Variants in NRXN3 observed in about 807,000 individuals in gnomAD.
NRXN3 encodes the protein neurexin III.
Under a neutral mutation model 137.6 loss-of-function variants are expected in NRXN3, and 32 were observed. The ratio of observed to expected loss-of-function variants is 0.23; its 90% CI spans 0.18 to 0.31. NRXN3 has a LOEUF of 0.31. Ranked by LOEUF, NRXN3 falls within the 10% of genes least tolerant of loss-of-function variation. The pLI is 1.00. For missense variants in NRXN3, 1,574 were observed against 2,062.5 expected, an observed-to-expected ratio of 0.76 and a Z score of 4.59; for synonymous variants, 798 against 784.5, an observed-to-expected ratio of 1.02 and a Z score of -0.29.
chr14:79,262,619 G>A (rs956367367), intron 15 of NRXN3, among the ~76,000 whole-genome samples: 5 of 152,148 alleles, frequency 3.3e-5, no homozygotes, highest in African/African-American at 1.2e-4. Flanking sequence ...CCAAATATTT[G>A]TCAAAAGCAT....
chr14:79,863,947 TG>T lies in NRXN3; in HGVS notation c.*1984del, dbSNP rs1361820291. On this transcript the variant is annotated 3_prime_UTR_variant, in exon 21 of 21. Transcript: ENST00000335750. ...CAATCTAAATGGTAGCCTTTACTAATGTGTGTGGAAAGAGGTGTTCCTCATT... is the reference window on the plus strand; with the variant it reads ...CAATCTAAATGGTAGCCTTTACTAATTGTGTGGAAAGAGGTGTTCCTCATT... 1 of 152,548 alleles carries T rather than the reference TG, an allele frequency of 6.6e-6. No individual in the cohort carries two copies. The highest frequency in any genetic ancestry group is 2.4e-5 in the African/African-American group (1 of 41,460). 9.4% of individuals were successfully genotyped at this position (152,548 alleles called of 1,614,324 possible). A position where few individuals can be genotyped will look rare whatever the true frequency, so the allele number is the denominator to read the frequency against.
intron 15 of NRXN3, among the ~76,000 whole-genome samples, chr14:79,322,639 GAGTCTATCTTCTTACA>G (rs1156349447): frequency 6.6e-6 from 1 of 152,170 alleles, no homozygotes; most frequent in Non-Finnish European, 1.5e-5. Context: ...CCTGATCCTA[GAGTCTATCTTCTTACA>G]TTAAAATAAA....
intron 4 of NRXN3, among the ~76,000 whole-genome samples, chr14:78,632,964 A>G (rs370046957): frequency 2.0e-4 from 30 of 152,100 alleles, no homozygotes; most frequent in African/African-American, 7.0e-4. Flanking sequence ...GGCTGGGCGT[A>G]GTGGCTCACG....
chr14:78,539,187 T>G (rs2096564781), intron 4 of NRXN3, among the ~76,000 whole-genome samples: 1 of 152,220 alleles, frequency 6.6e-6, no homozygotes, highest in Non-Finnish European at 1.5e-5. Context: ...TTAGAAGGAA[T>G]GCTAGCAGCT....
intron 15 of NRXN3, among the ~76,000 whole-genome samples, chr14:79,112,018 T>C (rs1443745207): frequency 6.6e-6 from 1 of 152,220 alleles, no homozygotes; most frequent in African/African-American, 2.4e-5. Context: ...GAAGTTATAG[T>C]TTATTTTAAG....
intron 20 of NRXN3, chr14:79,853,861 A>G: frequency 1.0e-6 from 1 of 985,900 alleles, no homozygotes; most frequent in Non-Finnish European, 1.2e-6. Flanking sequence ...GCAAATTATA[A>G]AAGTAAACAG....
intron 17 of NRXN3, among the ~76,000 whole-genome samples, chr14:79,687,105 T>G (rs1444830321): frequency 6.6e-6 from 1 of 152,220 alleles, no homozygotes; most frequent in African/African-American, 2.4e-5. Context: ...ATAGTTCTTT[T>G]TCCTTCTGCC....
At chr14:78,680,891 G>A (rs142978889) in intron 6 of NRXN3, among the ~76,000 whole-genome samples, 229 of 152,168 alleles carry the variant, frequency 1.5e-3, no homozygotes, top group African/African-American at 5.4e-3. Context: ...ATTTTCAGTG[G>A]GCTATGGATT....
chr14:78,629,489 G>A (rs1872510005), intron 4 of NRXN3, among the ~76,000 whole-genome samples: 1 of 152,208 alleles, frequency 6.6e-6, no homozygotes, highest in African/African-American at 2.4e-5. Context: ...ATGCAAGACA[G>A]ATCTTTTCTG....
Position 78,601,180 on chromosome 14 carries a change from C to A in NRXN3, c.758-43940C>A, listed in dbSNP as rs530254632. Among the ~76,000 whole-genome samples the A allele has an allele frequency of 6.6e-5, 10 of 152,198 alleles. No homozygotes were observed. In the South Asian group the frequency reaches 1.2e-3, roughly 19 times the overall value. Reference sequence around the variant, plus strand: ...AATCTGCATTCTTGTGGATAACCTTCCAACACACTACTTCAGTAATATCAC... The same window carrying A: ...AATCTGCATTCTTGTGGATAACCTTACAACACACTACTTCAGTAATATCAC... On this transcript the variant is annotated intron_variant, in intron 4 of 20. Transcript: ENST00000335750.
intron 1 of NRXN3, among the ~76,000 whole-genome samples, chr14:78,190,652 T>TTTATTTATTTATTTACTTAC (rs1295446008): frequency 4.4e-5 from 3 of 67,432 alleles, no homozygotes. Context: ...TATTTATTTA[T>TTTATTTATTTATTTACTTAC]TTACTTACTT....
At chr14:78,294,551 G>A (rs1317141805) in intron 3 of NRXN3, among the ~76,000 whole-genome samples, 2 of 70,504 alleles carry the variant, frequency 2.8e-5, no homozygotes, top group East Asian at 4.1e-4. Flanking sequence ...GTGAGATTCC[G>A]TCTCAAAAAA....
intron 15 of NRXN3, among the ~76,000 whole-genome samples, chr14:79,232,099 CATAA>C (rs2072318919): frequency 1.3e-5 from 2 of 152,172 alleles, no homozygotes; most frequent in South Asian, 4.2e-4. Flanking sequence ...GAGGCTAAAA[CATAA>C]ATAATTTGGC....
At chr14:79,768,612 A>C (rs2099065064) in intron 19 of NRXN3, among the ~76,000 whole-genome samples, 1 of 152,152 alleles carries the variant, frequency 6.6e-6, no homozygotes, top group Non-Finnish European at 1.5e-5. Flanking sequence ...CCACACCAAA[A>C]ACCCATCTGT....
intron 15 of NRXN3, among the ~76,000 whole-genome samples, chr14:79,343,963 G>T (rs934271171): frequency 6.6e-6 from 1 of 152,064 alleles, no homozygotes; most frequent in African/African-American, 2.4e-5. Context: ...TTGCCAGAGG[G>T]ATAGCTGATT....
intron 15 of NRXN3, among the ~76,000 whole-genome samples, chr14:79,178,630 G>T (rs2153118293): frequency 6.6e-6 from 1 of 152,258 alleles, no homozygotes; most frequent in Admixed American, 6.5e-5. Context: ...CTGAATAGAT[G>T]AAATCTAATT....
rs547110956 is a variant in NRXN3 at position 79,131,078 on chromosome 14, T to G, written c.3262+142937T>G. On this transcript the variant is annotated intron_variant, in intron 15 of 20. Coordinates refer to ENST00000335750, the MANE Select transcript of NRXN3 (RefSeq NM_001330195.2). ...TAATGGTTATTCTAGTTATATATTC[T>G]TCTAAACTTTTTCAAGGTTTTCAAC... is the stretch of plus-strand genomic sequence containing the variant. 1.1e-4 allele frequency among the ~76,000 whole-genome samples: 16 copies of G among 152,318 alleles called. No individual in the cohort carries two copies. In the South Asian group the frequency reaches 2.7e-3, roughly 26 times the overall value.
At chr14:78,458,645 T>C (rs182703214) in intron 4 of NRXN3, among the ~76,000 whole-genome samples, 1 of 152,366 alleles carries the variant, frequency 6.6e-6, no homozygotes, top group African/African-American at 2.4e-5. Flanking sequence ...TTTAAGATTT[T>C]CGTACAAAGC....
chr14:78,186,142 G>A (rs1282140363), intron 1 of NRXN3, among the ~76,000 whole-genome samples: 1 of 152,210 alleles, frequency 6.6e-6, no homozygotes, highest in South Asian at 2.1e-4. Context: ...AGTCCATGGA[G>A]GTACATTTGA....
Sources: allele counts gnomAD v4.1 joint callset (sites outside exome capture counted in the v4.1 genomes callset), GRCh38; gene constraint gnomAD v4.1.1; transcripts MANE v1.5; gene names NCBI Gene and HGNC (gene_info 2026-07-23, HGNC 2026-07-21).